The following DIAPH3 variants were observed in gnomAD, a reference collection of about 807,000 sequenced individuals.
DIAPH3 encodes the protein diaphanous related formin 3, also known as protein diaphanous homolog 3.
Under a neutral mutation model 144.3 loss-of-function variants are expected in DIAPH3, and 117 were observed. The ratio of observed to expected loss-of-function variants is 0.81; its 90% CI spans 0.70 to 0.95. The LOEUF (loss-of-function observed/expected upper bound fraction) is 0.95, where lower values mean the gene tolerates loss of function less well. Ranked by LOEUF, DIAPH3 falls within the 40% of genes least tolerant of loss-of-function variation. The probability of loss-of-function intolerance (pLI) is 0.00; values close to 1 mark genes in which losing one functional copy is unlikely to be tolerated. For missense variants in DIAPH3, 1,421 were observed against 1,412.7 expected, an observed-to-expected ratio of 1.01 and a Z score of -0.09; for synonymous variants, 519 against 488.9, an observed-to-expected ratio of 1.06 and a Z score of -0.81.
At chr13:59,852,265 T>C (rs1228191731) in intron 22 of DIAPH3, among the ~76,000 whole-genome samples, 1 of 152,242 alleles carries the variant, frequency 6.6e-6, no homozygotes, top group East Asian at 1.9e-4. Context: ...TATCTTATTT[T>C]CTTTAGGTTT....
chr13:59,985,635 C>CA (rs1172653711), intron 12 of DIAPH3, among the ~76,000 whole-genome samples: 1 of 57,884 alleles, frequency 1.7e-5, no homozygotes, highest in East Asian at 3.0e-4. Flanking sequence ...TCTCAGGATA[C>CA]AAAATCAATG....
intron 24 of DIAPH3, among the ~76,000 whole-genome samples, chr13:59,818,350 C>CCCCAAATTAGAA (rs2040889811): frequency 1.3e-5 from 2 of 151,860 alleles, no homozygotes; most frequent in African/African-American, 4.8e-5. Flanking sequence ...TTGCTGGATA[C>CCCCAAATTAGAA]CCCAAATTAG....
At chr13:59,854,509 T>C (rs535928406) in intron 22 of DIAPH3, among the ~76,000 whole-genome samples, 2 of 152,196 alleles carry the variant, frequency 1.3e-5, no homozygotes, top group South Asian at 2.1e-4. Flanking sequence ...TCCAACAAGA[T>C]TCATAAGATT....
At chr13:59,956,643 T>A (rs1200044798) in intron 17 of DIAPH3, among the ~76,000 whole-genome samples, 2 of 152,190 alleles carry the variant, frequency 1.3e-5, no homozygotes, top group African/African-American at 4.8e-5. Flanking sequence ...AAGTCCCCAC[T>A]AGGGCACTGC....
At chr13:59,752,767 T>C (rs1302234602) in intron 27 of DIAPH3, among the ~76,000 whole-genome samples, 1 of 152,224 alleles carries the variant, frequency 6.6e-6, no homozygotes, top group Non-Finnish European at 1.5e-5. Flanking sequence ...CATGTAAGAA[T>C]AATATTTAAT....
At position 59,970,052 on chromosome 13, in the gene DIAPH3, G is replaced by A; in HGVS notation, c.1966C>T (p.Pro656Ser). The part of the protein sequence containing the change: ...MRRLNWLKIR[P>S]HEMTENCFWI... ...AAACAGTTTTCAGTCATTTCATGAG[G>A]TCTGATCTACAATCAGAGAGAAGAC... is the stretch of plus-strand genomic sequence containing the variant. The change falls in exon 17 of 28, where the codon CCT becomes TCT. Residue 656 changes from proline to serine, a missense_variant. Transcript: ENST00000400324. 2 of 1,581,332 alleles carry A rather than the reference G, an allele frequency of 1.3e-6. No homozygotes were observed. The highest frequency in any genetic ancestry group is 1.7e-6 in the Non-Finnish European group (2 of 1,154,906).
chr13:59,799,939 C>T (rs1291362651), intron 25 of DIAPH3, among the ~76,000 whole-genome samples: 1 of 152,032 alleles, frequency 6.6e-6, no homozygotes, highest in East Asian at 1.9e-4. Flanking sequence ...TATCATGTCC[C>T]TCCTTTCTTG....
chr13:60,156,939 A>ATATATATATATATATATATTTTTTTTT (rs1337230427), intron 1 of DIAPH3, among the ~76,000 whole-genome samples: 5 of 82,066 alleles, frequency 6.1e-5, no homozygotes, highest in African/African-American at 2.2e-4. Flanking sequence ...ATATATATAT[A>ATATATATATATATATATATTTTTTTTT]TTTTTTTTTT....
intron 20 of DIAPH3, among the ~76,000 whole-genome samples, chr13:59,884,397 A>G (rs1280077851): frequency 6.6e-6 from 1 of 152,120 alleles, no homozygotes; most frequent in East Asian, 1.9e-4. Flanking sequence ...GAATCATCCC[A>G]AAACCATCCC....
At chr13:59,972,638 T>TA (rs1357902192) in intron 15 of DIAPH3, among the ~76,000 whole-genome samples, 3 of 152,208 alleles carry the variant, frequency 2.0e-5, no homozygotes, top group Non-Finnish European at 2.9e-5. Flanking sequence ...AGTTCAGTGT[T>TA]ACTCTGGGTT....
intron 12 of DIAPH3, among the ~76,000 whole-genome samples, chr13:59,984,852 T>A: frequency 8.8e-6 from 1 of 114,256 alleles, no homozygotes; most frequent in Non-Finnish European, 1.8e-5. Flanking sequence ...CCAAAAAGAG[T>A]CCAGGACCAG....
intron 4 of DIAPH3, among the ~76,000 whole-genome samples, chr13:60,063,805 T>G (rs188684011): frequency 1.7e-4 from 26 of 152,128 alleles, no homozygotes; most frequent in Admixed American, 5.2e-4. Context: ...GGCACGCACC[T>G]GTGATCCCAG....
intron 4 of DIAPH3, among the ~76,000 whole-genome samples, chr13:60,059,936 A>G (rs1330269571): frequency 1.3e-5 from 2 of 152,124 alleles, no homozygotes; most frequent in Non-Finnish European, 2.9e-5. Flanking sequence ...AGAAAACACC[A>G]GCTGTTCCAG....
intron 7 of DIAPH3, among the ~76,000 whole-genome samples, chr13:60,014,509 C>T (rs1049355242): frequency 6.6e-6 from 1 of 151,780 alleles, no homozygotes; most frequent in Non-Finnish European, 1.5e-5. Flanking sequence ...AGCTTAGCTC[C>T]AGAAAATGCT....
At chr13:59,872,235 T>C (rs1489261527) in intron 21 of DIAPH3, among the ~76,000 whole-genome samples, 1 of 152,248 alleles carries the variant, frequency 6.6e-6, no homozygotes, top group East Asian at 1.9e-4. Context: ...TGAGCACTGC[T>C]TTTATTGCAT....
In DIAPH3 at chr13:59,992,554, C is replaced by T. The variant is rs2051898348; in HGVS notation, c.1044G>A (p.Leu348=). The stretch of plus-strand genomic sequence containing the variant: ...AATCCAAATCATCAGGAGATGTAAC[C>T]AGGGCATTGATGAGCTGCATACAAG... ...QVACMQLINA[L]VTSPDDLDFR... is the part of the protein sequence containing the mutation. The change falls in exon 10 of 28, where the codon CTG becomes CTA. Residue 348 remains leucine, a synonymous_variant. Transcript: ENST00000400324. 6.2e-7 allele frequency: 1 copy of T among 1,612,002 alleles called. No individual in the cohort carries two copies. Among genetic ancestry groups the T allele is most frequent in the Non-Finnish European group, 8.5e-7 (1 of 1,179,070 alleles).
chr13:59,725,187 T>C (rs930300254), intron 27 of DIAPH3, among the ~76,000 whole-genome samples: 1 of 152,212 alleles, frequency 6.6e-6, no homozygotes, highest in African/African-American at 2.4e-5. Context: ...AGAAAATGAC[T>C]ATATTTTCAA....
At chr13:60,150,069 T>C (rs1951714174) in intron 1 of DIAPH3, among the ~76,000 whole-genome samples, 1 of 152,150 alleles carries the variant, frequency 6.6e-6, no homozygotes, top group African/African-American at 2.4e-5. Context: ...TTTCCCAGAC[T>C]GGAGTGCAGT....
intron 27 of DIAPH3, among the ~76,000 whole-genome samples, chr13:59,691,359 G>A (rs927551527): frequency 6.6e-6 from 1 of 152,036 alleles, no homozygotes; most frequent in African/African-American, 2.4e-5. Context: ...TCAACCTTGA[G>A]CAATGTTTTG....
Sources: allele counts gnomAD v4.1 joint callset (sites outside exome capture counted in the v4.1 genomes callset), GRCh38; gene constraint gnomAD v4.1.1; transcripts MANE v1.5; gene names NCBI Gene and HGNC (gene_info 2026-07-23, HGNC 2026-07-21).